Variants in LARGE1 observed in about 807,000 individuals in gnomAD.
LARGE1 encodes xylosyl- and glucuronyltransferase LARGE1.
In LARGE1, 43 loss-of-function variants were observed where a neutral mutation model predicts 87.6. The observed-to-expected ratio is 0.49, with a 90% CI of 0.38 to 0.63. LARGE1 has a LOEUF of 0.63. Ranked by LOEUF, LARGE1 falls within the 30% of genes least tolerant of loss-of-function variation. LARGE1 has a pLI of 0.00. For missense variants in LARGE1, 802 were observed against 1,000.2 expected, an observed-to-expected ratio of 0.80 and a Z score of 2.67; for synonymous variants, 434 against 394.6, an observed-to-expected ratio of 1.10 and a Z score of -1.18.
intron 6 of LARGE1, among the ~76,000 whole-genome samples, chr22:33,467,433 G>A (rs1258544112): frequency 6.6e-6 from 1 of 152,168 alleles, no homozygotes; most frequent in African/African-American, 2.4e-5. Context: ...TCATTAAGAG[G>A]CAGAATCCAG....
intron 1 of LARGE1, among the ~76,000 whole-genome samples, chr22:33,830,854 T>A (rs549555501): frequency 6.6e-5 from 10 of 152,310 alleles, no homozygotes; most frequent in Admixed American, 3.9e-4. Flanking sequence ...TGCTGTGCCC[T>A]CACGTAGAAG....
At chr22:33,500,623 G>T (rs537784605) in intron 6 of LARGE1, among the ~76,000 whole-genome samples, 94 of 152,276 alleles carry the variant, frequency 6.2e-4, no homozygotes, top group Middle Eastern at 3.4e-3. Context: ...TCACTCTTTG[G>T]TGACTCTTTG....
intron 11 of LARGE1, among the ~76,000 whole-genome samples, chr22:33,244,147 C>A (rs1926648268): frequency 6.7e-6 from 1 of 149,706 alleles, no homozygotes. Flanking sequence ...CGCCACCAAG[C>A]CCAGCTAATT....
intron 11 of LARGE1, among the ~76,000 whole-genome samples, chr22:33,315,658 C>T (rs932854710): frequency 5.9e-5 from 9 of 151,960 alleles, no homozygotes; most frequent in South Asian, 2.1e-4. Context: ...AAGATGGAGC[C>T]GTGCTCTGTC....
chr22:33,715,943 C>T (rs981649375), intron 2 of LARGE1, among the ~76,000 whole-genome samples: 2 of 152,234 alleles, frequency 1.3e-5, no homozygotes, highest in Admixed American at 6.5e-5. Flanking sequence ...AAACCATCCA[C>T]AAGTTTATTT....
chr22:33,824,715 T>C (rs560483305), intron 1 of LARGE1, among the ~76,000 whole-genome samples: 20 of 152,316 alleles, frequency 1.3e-4, no homozygotes, highest in African/African-American at 4.6e-4. Context: ...ATATGACCAA[T>C]TATAAAGTCC....
intron 1 of LARGE1, among the ~76,000 whole-genome samples, chr22:33,895,021 G>A (rs1237350506): frequency 2.0e-5 from 3 of 152,024 alleles, no homozygotes; most frequent in South Asian, 2.1e-4. Flanking sequence ...TCTGATCACC[G>A]ATCACCTGTA....
At chr22:33,349,018 G>A (rs1017177962) in intron 9 of LARGE1, among the ~76,000 whole-genome samples, 3 of 152,026 alleles carry the variant, frequency 2.0e-5, no homozygotes, top group African/African-American at 4.8e-5. Flanking sequence ...CTCCTCCTTC[G>A]TCTTCTGCCA....
intron 12 of LARGE1, among the ~76,000 whole-genome samples, chr22:33,297,836 G>A (rs1933535874): frequency 6.6e-6 from 1 of 151,042 alleles, no homozygotes; most frequent in African/African-American, 2.4e-5. Flanking sequence ...AAAAATTAGC[G>A]AGGCGTGGTG....
chr22:33,419,717 G>A (rs1467126647), intron 7 of LARGE1, among the ~76,000 whole-genome samples: 5 of 152,094 alleles, frequency 3.3e-5, no homozygotes, highest in African/African-American at 1.2e-4. Context: ...TTGAGATGGA[G>A]TCTCGCTCTA....
intron 6 of LARGE1, among the ~76,000 whole-genome samples, chr22:33,437,385 G>A (rs2067308274): frequency 1.3e-5 from 2 of 152,158 alleles, no homozygotes; most frequent in South Asian, 4.1e-4. Flanking sequence ...TACTAGCTAT[G>A]TGACCCTGGA....
At position 33,844,293 on chromosome 22, in the gene LARGE1, C is replaced by A. The variant is rs187752127; in HGVS notation, c.-83+75702G>T. On this transcript the variant is annotated intron_variant, in intron 1 of 14. Coordinates refer to ENST00000397394, the MANE Select transcript of LARGE1 (RefSeq NM_133642.5). ...GTGTTCAACATACAGGCTTTCTAGC[C>A]CAGGAAGAGTCCCAATGAGACTGTT... Among the ~76,000 whole-genome samples, 10 of 152,110 alleles carry A rather than the reference C, an allele frequency of 6.6e-5. No individual in the cohort carries two copies. The East Asian group carries it at 1.7e-3, about 27-fold the overall frequency.
In LARGE1 at chr22:33,564,993, T is replaced by C. The variant is rs1236228166; in HGVS notation, c.642A>G (p.Lys214=). ...TCAGACCATAAATCCCAGAGTAATGTTTATTGGGGATCCAGGAAACTTCAG... is the reference window on the plus strand; with the variant it reads ...TCAGACCATAAATCCCAGAGTAATGCTTATTGGGGATCCAGGAAACTTCAG... ...LKSEVSWIPN[K]HYSGIYGLMK... Residue 214 remains lysine, a synonymous_variant, in exon 6 of 15, where the codon AAA becomes AAG. Transcript: ENST00000397394. The C allele has an allele frequency of 2.5e-6, 4 of 1,613,956 alleles. No homozygotes were observed. Among genetic ancestry groups the C allele is most frequent in the Non-Finnish European group, 3.4e-6 (4 of 1,180,024 alleles).
intron 1 of LARGE1, among the ~76,000 whole-genome samples, chr22:33,871,153 TTAGA>T (rs1465061050): frequency 1.3e-5 from 2 of 152,226 alleles, no homozygotes; most frequent in Non-Finnish European, 2.9e-5. Context: ...AATAAATTAA[TTAGA>T]TAGGCAGTGG....
At chr22:33,726,948 G>A (rs1163942308) in intron 2 of LARGE1, among the ~76,000 whole-genome samples, 1 of 152,208 alleles carries the variant, frequency 6.6e-6, no homozygotes, top group African/African-American at 2.4e-5. Context: ...AAAGGAATGA[G>A]AAAGCAAGGC....
intron 4 of LARGE1, among the ~76,000 whole-genome samples, chr22:33,611,603 A>G (rs1160339671): frequency 6.6e-6 from 1 of 152,196 alleles, no homozygotes; most frequent in East Asian, 1.9e-4. Context: ...TCATCTTCAG[A>G]TGGGACTTTG....
chr22:33,780,517 T>C (rs769525269), intron 1 of LARGE1, among the ~76,000 whole-genome samples: 8 of 152,196 alleles, frequency 5.3e-5, no homozygotes, highest in African/African-American at 1.9e-4. Context: ...CTCAACAGTC[T>C]GAATGGTGTG....
chr22:33,183,139 GA>G (rs1331300361), intron 11 of LARGE1, among the ~76,000 whole-genome samples: 2 of 151,814 alleles, frequency 1.3e-5, no homozygotes, highest in Non-Finnish European at 2.9e-5. Context: ...CTCAATAGCA[GA>G]AAAGTTAACC....
chr22:33,269,260 A>G (rs954736934), downstream of LARGE1, among the ~76,000 whole-genome samples: 2 of 152,226 alleles, frequency 1.3e-5, no homozygotes, highest in East Asian at 3.8e-4. Flanking sequence ...TTTTCCTGTT[A>G]GTTTTCAAAC....
Sources: gnomAD v4.1 joint callset for allele counts (sites outside exome capture counted in the v4.1 genomes callset) on GRCh38, gnomAD v4.1.1 for gene constraint, MANE v1.5 for transcripts, NCBI Gene and HGNC (gene_info 2026-07-23, HGNC 2026-07-21) for gene names.